ADGRV1: variants seen among roughly 807,000 people sequenced by gnomAD.
The protein encoded by ADGRV1 is adhesion G protein-coupled receptor V1.
In ADGRV1, 359 loss-of-function variants were observed where a neutral mutation model predicts 596.2. That is an observed-to-expected ratio of 0.60 (90% CI 0.55 to 0.66). The LOEUF (loss-of-function observed/expected upper bound fraction) is 0.66. Ranked by LOEUF, ADGRV1 falls within the 30% of genes least tolerant of loss-of-function variation. The probability of loss-of-function intolerance (pLI) is 0.00; values close to 1 mark genes in which losing one functional copy is unlikely to be tolerated. For missense variants in ADGRV1, 7,274 were observed against 7,575.6 expected, an observed-to-expected ratio of 0.96 and a Z score of 1.48; for synonymous variants, 2,681 against 2,679.2, an observed-to-expected ratio of 1.00 and a Z score of -0.02.
chr5:91,132,003 C>T (rs1299068635), intron 87 of ADGRV1, among the ~76,000 whole-genome samples: 2 of 152,170 alleles, frequency 1.3e-5, no homozygotes, highest in African/African-American at 4.8e-5. Flanking sequence ...CAGTTTCATT[C>T]TCCTGGATAT....
chr5:90,684,757 C>T (rs188222635), intron 28 of ADGRV1, among the ~76,000 whole-genome samples: 9 of 152,270 alleles, frequency 5.9e-5, no homozygotes, highest in Non-Finnish European at 1.3e-4. Context: ...ACTATCACCA[C>T]TGGGATTAGG....
intron 1 of ADGRV1, among the ~76,000 whole-genome samples, chr5:90,594,758 C>CT (rs1241610627): frequency 1.3e-5 from 2 of 150,712 alleles, no homozygotes; most frequent in Admixed American, 6.6e-5. Flanking sequence ...CCATTTAACT[C>CT]TGAGTGGACA....
At chr5:90,894,653 G>C (rs1156905687) in intron 83 of ADGRV1, among the ~76,000 whole-genome samples, 1 of 152,174 alleles carries the variant, frequency 6.6e-6, no homozygotes, top group Non-Finnish European at 1.5e-5. Context: ...AGACTCCAGT[G>C]AGTTCCCTGA....
In ADGRV1 at chr5:90,819,336, A is replaced by T. The variant is rs963232535; in HGVS notation, c.16196+3600A>T. ...TCTTTATTAGTCTTGCTAGCGGTCTATCTATTTTGTTGATCCTTTCAAAAA... is the reference window on the plus strand; with the variant it reads ...TCTTTATTAGTCTTGCTAGCGGTCTTTCTATTTTGTTGATCCTTTCAAAAA... On this transcript the variant is annotated intron_variant, in intron 75 of 89. Transcript: ENST00000405460. 1.8e-3 allele frequency among the ~76,000 whole-genome samples: 273 copies of T among 151,236 alleles called. 2 individuals carry two copies. Among genetic ancestry groups the T allele is most frequent in the African/African-American group, 6.3e-3 (258 of 40,804 alleles).
intron 78 of ADGRV1, among the ~76,000 whole-genome samples, chr5:90,848,055 T>C (rs1402707041): frequency 6.6e-6 from 1 of 152,142 alleles, no homozygotes; most frequent in African/African-American, 2.4e-5. Flanking sequence ...TCCTCCTTTT[T>C]TCCCCTGTCT....
At chr5:90,675,101 T>G (rs1439114006) in intron 23 of ADGRV1, 142 bp from the exon 24 acceptor site, 1 of 605,012 alleles carries the variant, frequency 1.7e-6, no homozygotes, top group Non-Finnish European at 2.9e-6. Context: ...GTTAGTTAAA[T>G]CTTTGCTAAA....
chr5:91,160,885 G>C (rs1231900667), intron 89 of ADGRV1, among the ~76,000 whole-genome samples: 1 of 152,156 alleles, frequency 6.6e-6, no homozygotes, highest in Non-Finnish European at 1.5e-5. Context: ...GATGAGATGG[G>C]TCAGTAGATG....
Position 90,653,819 on chromosome 5 carries a change from C to T in ADGRV1, c.4245C>T (p.Val1415=). 10 of 1,613,322 alleles carry T rather than the reference C, an allele frequency of 6.2e-6. No individual in the cohort carries two copies. The highest frequency in any genetic ancestry group is 8.5e-6 in the Non-Finnish European group (10 of 1,179,656). Residue 1415 remains valine (V), a synonymous_variant, in exon 20 of 90, where the codon GTC becomes GTT. Coordinates refer to ENST00000405460, the MANE Select transcript of ADGRV1 (RefSeq NM_032119.4). Reference sequence around the variant, plus strand: ...CTACATACATTGCCAAGACAACAGTCATGAAATATTTAGAAGAAAGTGTTT... The same window carrying T: ...CTACATACATTGCCAAGACAACAGTTATGAAATATTTAGAAGAAAGTGTTT... ...SNATYIAKTT[V]MKYLEESVWL...
At chr5:90,582,377 AG>A (rs1758179232) in intron 1 of ADGRV1, among the ~76,000 whole-genome samples, 2 of 152,080 alleles carry the variant, frequency 1.3e-5, no homozygotes, top group South Asian at 4.1e-4. Context: ...GGTGCTCTAG[AG>A]TTGGGTGTGT....
chr5:90,629,033 A>G, intron 8 of ADGRV1, 177 bp from the exon 9 acceptor site: 1 of 659,800 alleles, frequency 1.5e-6, no homozygotes, highest in Non-Finnish European at 2.4e-6. Context: ...ACTGTGATTT[A>G]GGAATATTTC....
intron 85 of ADGRV1, among the ~76,000 whole-genome samples, chr5:91,049,756 G>T (rs895317869): frequency 6.6e-6 from 1 of 152,172 alleles, no homozygotes; most frequent in East Asian, 1.9e-4. Context: ...TATTTTTGAA[G>T]GGGGAGTGCT....
At chr5:90,623,849 G>A (rs902049017) in intron 5 of ADGRV1, among the ~76,000 whole-genome samples, 1 of 152,152 alleles carries the variant, frequency 6.6e-6, no homozygotes, top group African/African-American at 2.4e-5. Flanking sequence ...TCAGGGGCTA[G>A]CTCTAATCAT....
At position 90,624,804 on chromosome 5, in the gene ADGRV1, G is replaced by A. The variant is rs182390558; in HGVS notation, c.559-326G>A. ...CCAGCTTGTGAAGTGGAAAATACTG[G>A]TATTACTTGAGGGAATTTACTAATC... On this transcript the variant is annotated intron_variant, in intron 5 of 89. Coordinates refer to ENST00000405460, the MANE Select transcript of ADGRV1 (RefSeq NM_032119.4). Among the ~76,000 whole-genome samples, 14 of 151,930 alleles carry A rather than the reference G, an allele frequency of 9.2e-5. No homozygotes were observed. The East Asian group carries it at 2.1e-3, about 23-fold the overall frequency.
At position 91,153,303 on chromosome 5, in the gene ADGRV1, C is replaced by T; in HGVS notation, c.18707C>T (p.Ala6236Val). ...PDLKPSPQNG[A>V]TFPSSGGYGQ... ...TTAAAGCCAAGTCCACAAAATGGAGCCACGTTCCCGTCCTCTGGAGGATAT... is the reference window on the plus strand; with the variant it reads ...TTAAAGCCAAGTCCACAAAATGGAGTCACGTTCCCGTCCTCTGGAGGATAT... Residue 6236 changes from alanine (A) to valine (V), a missense_variant, in exon 89 of 90, where the codon GCC becomes GTC. By Grantham distance (64) the Ala-to-Val change is moderately conservative (BLOSUM62 0). Coordinates refer to ENST00000405460, the MANE Select transcript of ADGRV1 (RefSeq NM_032119.4). 6.2e-7 allele frequency: 1 copy of T among 1,611,354 alleles called. No individual in the cohort carries two copies.
At chr5:90,837,307 T>C (rs1765051579) in intron 77 of ADGRV1, among the ~76,000 whole-genome samples, 1 of 152,198 alleles carries the variant, frequency 6.6e-6, no homozygotes, top group Non-Finnish European at 1.5e-5. Context: ...AAAGACCATG[T>C]GTTTTCCTTA....
At chr5:90,946,502 G>GT (rs1304009206) in intron 83 of ADGRV1, among the ~76,000 whole-genome samples, 1 of 152,022 alleles carries the variant, frequency 6.6e-6, no homozygotes, top group East Asian at 1.9e-4. Flanking sequence ...GGACACGTAG[G>GT]TTTGTTACGT....
intron 87 of ADGRV1, among the ~76,000 whole-genome samples, chr5:91,138,177 T>C (rs565183951): frequency 2.9e-4 from 44 of 152,006 alleles, no homozygotes; most frequent in Non-Finnish European, 5.4e-4. Context: ...CAACTTCAGC[T>C]CTTATTCCAA....
intron 2 of ADGRV1, 41 bp downstream of exon 2, chr5:90,615,060 T>C: frequency 1.6e-6 from 2 of 1,261,890 alleles, no homozygotes; most frequent in Non-Finnish European, 1.1e-6. Flanking sequence ...GAAATAGATA[T>C]GACGTTTCTT....
At chr5:90,923,993 G>A (rs1421348404) in intron 83 of ADGRV1, among the ~76,000 whole-genome samples, 1 of 151,688 alleles carries the variant, frequency 6.6e-6, no homozygotes, top group Non-Finnish European at 1.5e-5. Flanking sequence ...GTATTCCATG[G>A]TGTATATGTG....
Sources: gnomAD v4.1 joint callset for allele counts (sites outside exome capture counted in the v4.1 genomes callset) on GRCh38, gnomAD v4.1.1 for gene constraint, MANE v1.5 for transcripts, NCBI Gene and HGNC (gene_info 2026-07-23, HGNC 2026-07-21) for gene names.